ATP1A2: variants seen among roughly 807,000 people sequenced by gnomAD.
ATP1A2 encodes sodium/potassium-transporting ATPase subunit alpha-2.
A neutral mutation model predicts 113.1 loss-of-function variants in ATP1A2; 56 were observed. The ratio of observed to expected loss-of-function variants is 0.49; its 90% CI spans 0.40 to 0.62. ATP1A2 has a LOEUF of 0.62. ATP1A2 is among the 20% of genes least tolerant of loss of function. ATP1A2 has a pLI of 0.00. For synonymous variants in ATP1A2, 490 were observed against 526.8 expected (o/e 0.93, Z 0.96); for missense variants, 712 against 1,357.8 (o/e 0.52, Z 7.47).
At chr1:160,134,682 G>T in intron 14 of ATP1A2, 62 bp downstream of exon 14, 1 of 1,612,714 alleles carries the variant, frequency 6.2e-7, no homozygotes, top group South Asian at 1.1e-5. Context: ...CAGAAGGCTT[G>T]GGTGTCCCCT....
At chr1:160,134,076 CCCACACACACAT>C (rs1318229560) in intron 13 of ATP1A2, among the ~76,000 whole-genome samples, 54 of 147,034 alleles carry the variant, frequency 3.7e-4, no homozygotes, top group Non-Finnish European at 4.4e-4. Flanking sequence ...ATCCCCACCC[CCCACACACACAT>C]CTCACACACA....
intron 18 of ATP1A2, 37 bp downstream of exon 18, chr1:160,136,407 C>G (rs1558008989): frequency 6.2e-7 from 1 of 1,613,402 alleles, no homozygotes; most frequent in Admixed American, 1.7e-5. Flanking sequence ...GGAACCCCAA[C>G]AGGGTTCTTT....
At position 160,127,401 on chromosome 1, in the gene ATP1A2, G is replaced by T. The variant is rs546127592; in HGVS notation, c.749-151G>T. The stretch of plus-strand genomic sequence containing the variant: ...TGGCGATCTATCCAGGGAAAGGAAG[G>T]CCAAGTGGGGACAACCTACTGAATG... On this transcript the variant is annotated intron_variant, in intron 7 of 22. Coordinates refer to ENST00000361216, the MANE Select transcript of ATP1A2 (RefSeq NM_000702.4). The T allele has an allele frequency of 1.6e-5, 16 of 1,031,226 alleles. No individual in the cohort carries two copies. In the African/African-American group the frequency reaches 2.4e-4, roughly 15 times the overall value. 63.9% of individuals were successfully genotyped at this position (1,031,226 alleles called of 1,614,324 possible).
intron 13 of ATP1A2, 144 bp from the exon 14 acceptor site, chr1:160,134,340 C>T (rs772560061): frequency 1.4e-4 from 158 of 1,159,654 alleles, no homozygotes; most frequent in Non-Finnish European, 1.8e-4. Flanking sequence ...TGCCCACAGA[C>T]GCACACACAC....
At position 160,136,985 on chromosome 1, in the gene ATP1A2, AT is replaced by A. The variant is rs1206014622; in HGVS notation, c.2795del (p.Ile932ThrfsTer15). On this transcript the variant is annotated frameshift_variant, in exon 20 of 23. Transcript: ENST00000361216. LOFTEE classifies it high-confidence loss of function. ...SIVVVQWADLIICKTRRNSVF... is the reference protein window; with the variant it reads ...SIVVVQWADLXICKTRRNSVF... ...CGTGGTGGTGCAGTGGGCTGACCTCATCATCTGCAAGACCCGCCGCAACTCA... is the reference window on the plus strand; with the variant it reads ...CGTGGTGGTGCAGTGGGCTGACCTCACATCTGCAAGACCCGCCGCAACTCA... 6.2e-7 allele frequency: 1 copy of A among 1,614,084 alleles called. No homozygotes were observed.
chr1:160,123,172 G>T (rs770282237), intron 3 of ATP1A2, 41 bp from the exon 4 acceptor site: 1 of 1,610,114 alleles, frequency 6.2e-7, no homozygotes. Context: ...GGCTGGGTTG[G>T]CTCCGGATGC....
Position 160,125,119 on chromosome 1 carries a change from C to A in ATP1A2, c.631-17C>A, listed in dbSNP as rs368195019. On this transcript the variant is annotated splice_polypyrimidine_tract_variant and intron_variant, in intron 6 of 22. Coordinates refer to ENST00000361216, the MANE Select transcript of ATP1A2 (RefSeq NM_000702.4). Reference sequence around the variant, plus strand: ...TGGCTCTGCCAGTCTGATGACTATGCACTCCTTCCTCCTCAGGTGGATAAC... The same window carrying A: ...TGGCTCTGCCAGTCTGATGACTATGAACTCCTTCCTCCTCAGGTGGATAAC... The A allele has an allele frequency of 3.7e-6, 6 of 1,607,630 alleles. No homozygotes were observed. In the Admixed American group the frequency reaches 1.0e-4, roughly 27 times the overall value.
At chr1:160,121,148 C>A in intron 2 of ATP1A2, 44 bp from the exon 3 acceptor site, 1 of 1,611,422 alleles carries the variant, frequency 6.2e-7, no homozygotes, top group Non-Finnish European at 8.5e-7. Flanking sequence ...TCATATGCAT[C>A]TTAGATACCT....
At chr1:160,137,124 G>C (rs1651978986) in intron 20 of ATP1A2, 93 bp downstream of exon 20, 1 of 1,591,878 alleles carries the variant, frequency 6.3e-7, no homozygotes, top group African/African-American at 1.3e-5. Context: ...CCCTGGACCA[G>C]AGCTGTAAGG....
At chr1:160,129,458 AC>A (rs1408635047) in intron 11 of ATP1A2, 58 bp downstream of exon 11, 2 of 1,599,994 alleles carry the variant, frequency 1.3e-6, no homozygotes, top group African/African-American at 2.7e-5. Flanking sequence ...GTGAGGGTGG[AC>A]AAAGCCAAGG....
intron 20 of ATP1A2, among the ~76,000 whole-genome samples, chr1:160,137,822 G>T (rs1345258997): frequency 2.6e-5 from 4 of 152,000 alleles, no homozygotes; most frequent in African/African-American, 9.7e-5. Flanking sequence ...TTAGTTTGGG[G>T]CTGGGGAGGG....
In ATP1A2 at chr1:160,130,508, C is replaced by T. The variant is rs1414230350; in HGVS notation, c.1738C>T (p.Leu580Phe). The change falls in exon 13 of 23, where the codon CTT becomes TTT. Residue 580 changes from leucine to phenylalanine, a missense_variant. Leu to Phe is a conservative substitution (Grantham distance 22). Coordinates refer to ENST00000361216, the MANE Select transcript of ATP1A2 (RefSeq NM_000702.4). Reference protein sequence around the residue: ...TDELNFPTEKLCFVGLMSMID... With the variant: ...TDELNFPTEKFCFVGLMSMID... ...TGAGCTGAACTTTCCCACGGAGAAG[C>T]TTTGCTTTGTGGGGCTCATGTCTAT... 6 of 1,614,138 alleles carry T rather than the reference C, an allele frequency of 3.7e-6. No homozygotes were observed. The highest frequency in any genetic ancestry group is 5.1e-6 in the Non-Finnish European group (6 of 1,180,048).
chr1:160,123,991 T>TTCCA lies in ATP1A2; in HGVS notation c.432_433insCATC (p.Ser145HisfsTer57). The TTCCA allele has an allele frequency of 6.2e-7, 1 of 1,614,228 alleles. No homozygotes were observed. Among genetic ancestry groups the TTCCA allele is most frequent in the Non-Finnish European group, 8.5e-7 (1 of 1,180,028 alleles). On this transcript the variant is annotated frameshift_variant, in exon 5 of 23. Transcript: ENST00000361216. LOFTEE classifies it high-confidence loss of function. The stretch of plus-strand genomic sequence containing the variant: ...AGCTGTGGTCATTGTCACTGGCTGC[T>TTCCA]TCTCCTACTACCAGGAGGCCAAGAG...
Position 160,135,306 on chromosome 1 carries a change from C to A in ATP1A2, c.2115+11C>A. ...GGATGTCAGAGGCAGGTGAGCACAG[C>A]CACGGGAGGCAGATGACAGGCAGGG... On this transcript the variant is annotated intron_variant, in intron 15 of 22. Transcript: ENST00000361216. This position sits in a 1 kb window ranked among gnomAD's most constrained non-coding sequence, Gnocchi z 6.3. The A allele has an allele frequency of 6.2e-7, 1 of 1,614,110 alleles. No individual in the cohort carries two copies. Among genetic ancestry groups the A allele is most frequent in the Non-Finnish European group, 8.5e-7 (1 of 1,180,022 alleles).
chr1:160,129,603 A>C (rs1160102538), intron 11 of ATP1A2, among the ~76,000 whole-genome samples: 1 of 151,972 alleles, frequency 6.6e-6, no homozygotes, highest in African/African-American at 2.4e-5. Context: ...TCCATCCCTT[A>C]CTACAATCTG....
chr1:160,123,192 C>A, intron 3 of ATP1A2, 21 bp from the exon 4 acceptor site: 1 of 1,613,710 alleles, frequency 6.2e-7, no homozygotes, highest in Non-Finnish European at 8.5e-7. Context: ...CGTGCCCCTA[C>A]GCCTCTCCTT....
chr1:160,129,130 T>C (rs1171050352), intron 10 of ATP1A2, 41 bp downstream of exon 10: 1 of 1,506,218 alleles, frequency 6.6e-7, no homozygotes, highest in Non-Finnish European at 8.9e-7. Context: ...TTTGGGGGTG[T>C]CTCCAAAGCC....
rs775542770 is a variant in ATP1A2 at position 160,135,595 on chromosome 1, G to A, written c.2277G>A (p.Val759=). The A allele has an allele frequency of 1.2e-6, 2 of 1,613,778 alleles. No homozygotes were observed. The highest frequency in any genetic ancestry group is 1.7e-6 in the Non-Finnish European group (2 of 1,180,012). ...ACTTTGCCTCCATCGTCACGGGGGT[G>A]GAGGAGGGTGAGGAGGCTGCATGGG... ...DDNFASIVTG[V]EEGRLIFDNL... is the part of the protein sequence containing the mutation. Residue 759 remains valine (V), a synonymous_variant, in exon 16 of 23, where the codon GTG becomes GTA. Coordinates refer to ENST00000361216, the MANE Select transcript of ATP1A2 (RefSeq NM_000702.4). This position sits in a 1 kb window ranked among gnomAD's most constrained non-coding sequence, Gnocchi z 6.3.
At chr1:160,122,256 A>C (rs577255793) in intron 3 of ATP1A2, among the ~76,000 whole-genome samples, 2 of 152,028 alleles carry the variant, frequency 1.3e-5, no homozygotes, top group Non-Finnish European at 2.9e-5. Context: ...CCTTAGTAAC[A>C]CTTTTCTATC....
Sources: allele counts gnomAD v4.1 joint callset (sites outside exome capture counted in the v4.1 genomes callset), GRCh38; gene constraint gnomAD v4.1.1; non-coding constraint Gnocchi (gnomAD v3.1); transcripts MANE v1.5; gene names NCBI Gene and HGNC (gene_info 2026-07-23, HGNC 2026-07-21).